RAB2B: variants seen among roughly 807,000 people sequenced by gnomAD.
RAB2B encodes the protein RAB2B, member RAS oncogene family.
RAB2B carries 20 observed loss-of-function variants against 29.8 expected under a neutral mutation model. That is an observed-to-expected ratio of 0.67 (90% CI 0.47 to 0.97). RAB2B has a LOEUF of 0.97. RAB2B is among the 50% of genes least tolerant of loss of function. The pLI, the probability that RAB2B is intolerant of heterozygous loss-of-function variation, is 0.00. For missense variants in RAB2B, 218 were observed against 272.0 expected (o/e 0.80, Z 1.40); for synonymous variants, 93 against 91.7 (o/e 1.01, Z -0.08).
chr14:21,463,435 T>C (rs1436686859), intron 6 of RAB2B, among the ~76,000 whole-genome samples: 1 of 152,006 alleles, frequency 6.6e-6, no homozygotes, highest in African/African-American at 2.4e-5. Context: ...TTAGTAGAGA[T>C]GGGGTTTCAC....
Position 21,476,890 on chromosome 14 carries a change from G to A in RAB2B, c.-18C>T. On this transcript the variant is annotated 5_prime_UTR_variant, in exon 1 of 8. Transcript: ENST00000397762. ...TAAGTCATGGTGTCGCGTCCTCTGG[G>A]TTCCGGGTCCGCCCGACTTCTATAG... 1.9e-6 allele frequency: 3 copies of A among 1,613,142 alleles called. No homozygotes were observed. The highest frequency in any genetic ancestry group is 2.2e-5 in the East Asian group (1 of 44,872).
chr14:21,461,117 A>G lies in RAB2B; in HGVS notation c.*79T>C. The G allele has an allele frequency of 9.8e-7, 1 of 1,025,008 alleles. No individual in the cohort carries two copies. The highest frequency in any genetic ancestry group is 2.5e-5 in the East Asian group (1 of 39,908). 63.5% of individuals were successfully genotyped at this position (1,025,008 alleles called of 1,614,324 possible). On this transcript the variant is annotated 3_prime_UTR_variant, in exon 8 of 8. Transcript: ENST00000397762. Reference sequence around the variant, plus strand: ...TTTAAAAAGAGGCTGCTCTCAGCCAAAGCAAGAAAGACCTCTTTCATTAAG... The same window carrying G: ...TTTAAAAAGAGGCTGCTCTCAGCCAGAGCAAGAAAGACCTCTTTCATTAAG...
At chr14:21,475,483 T>G (rs1449951983) in intron 2 of RAB2B, among the ~76,000 whole-genome samples, 1 of 145,544 alleles carries the variant, frequency 6.9e-6, no homozygotes, top group Non-Finnish European at 1.5e-5. Flanking sequence ...CAGGCTGGAG[T>G]GCAGTGGTGC....
rs1890540774 is a variant in RAB2B at position 21,460,996 on chromosome 14, TA to T, written c.*199del. Reference sequence around the variant, plus strand: ...TTGTATAGGAGGATAAGAAGAACCCTAATCTATAGGGAATGCTCATGTCCCT... The same window carrying T: ...TTGTATAGGAGGATAAGAAGAACCCTATCTATAGGGAATGCTCATGTCCCT... On this transcript the variant is annotated 3_prime_UTR_variant, in exon 8 of 8. Coordinates refer to ENST00000397762, the MANE Select transcript of RAB2B (RefSeq NM_032846.4). 1 of 428,272 alleles carries T rather than the reference TA, an allele frequency of 2.3e-6. No homozygotes were observed. The highest frequency in any genetic ancestry group is 2.1e-5 in the African/African-American group (1 of 48,754). 26.5% of individuals were successfully genotyped at this position (428,272 alleles called of 1,614,324 possible).
rs200072961 is a variant in RAB2B, at chr14:21,463,795, T to C, written c.363-28A>G. The C allele has an allele frequency of 4.9e-6, 7 of 1,437,920 alleles. No individual in the cohort carries two copies. In the African/African-American group the frequency reaches 1.0e-4, roughly 21 times the overall value. 89.1% of individuals were successfully genotyped at this position (1,437,920 alleles called of 1,614,324 possible). ...GCAAGAGATTAATTAAGGAGAAAAT[T>C]TAAAAAAAAGATCCAAGTGAAAGAG... On this transcript the variant is annotated intron_variant, in intron 5 of 7. Transcript: ENST00000397762.
intron 5 of RAB2B, among the ~76,000 whole-genome samples, chr14:21,465,266 T>C (rs1461988398): frequency 6.6e-6 from 1 of 152,234 alleles, no homozygotes; most frequent in African/African-American, 2.4e-5. Flanking sequence ...AGCACCAGAT[T>C]TGTACATTTG....
At chr14:21,464,637 A>G (rs573905934) in intron 5 of RAB2B, among the ~76,000 whole-genome samples, 1 of 152,162 alleles carries the variant, frequency 6.6e-6, no homozygotes, top group Non-Finnish European at 1.5e-5. Context: ...AAATTAGGTG[A>G]AAAAAAAGAT....
intron 3 of RAB2B, among the ~76,000 whole-genome samples, chr14:21,469,319 T>G (rs576386713): frequency 6.8e-4 from 104 of 152,340 alleles, no homozygotes; most frequent in African/African-American, 2.5e-3. Flanking sequence ...TTCAACTGAT[T>G]ATCTTCTAAC....
intron 3 of RAB2B, among the ~76,000 whole-genome samples, chr14:21,473,632 G>C (rs556726935): frequency 4.2e-4 from 64 of 152,342 alleles, no homozygotes; most frequent in Non-Finnish European, 6.5e-4. Flanking sequence ...TGTAATCCCA[G>C]CATTTTGAGA....
At chr14:21,469,944 C>T (rs1345951826) in intron 3 of RAB2B, among the ~76,000 whole-genome samples, 1 of 149,154 alleles carries the variant, frequency 6.7e-6, no homozygotes, top group African/African-American at 2.5e-5. Flanking sequence ...TATTATTATT[C>T]CCTTTTTTTT....
At chr14:21,476,421 T>C (rs1286684179) in intron 2 of RAB2B, 107 bp downstream of exon 2, 3 of 1,247,818 alleles carry the variant, frequency 2.4e-6, no homozygotes, top group Non-Finnish European at 3.5e-6. Flanking sequence ...TTTAAAGTAG[T>C]GAGGGGTAAC....
At chr14:21,465,916 TA>T (rs78493321) in intron 5 of RAB2B, among the ~76,000 whole-genome samples, 20,469 of 152,120 alleles carry the variant, frequency 0.13, 1,608 homozygotes, top group Admixed American at 0.22. Flanking sequence ...AATACCCTTT[TA>T]AAAAAATCTT....
intron 5 of RAB2B, among the ~76,000 whole-genome samples, chr14:21,465,853 G>A (rs544559757): frequency 2.6e-5 from 4 of 151,992 alleles, no homozygotes; most frequent in East Asian, 1.9e-4. Flanking sequence ...TTCAATAAAC[G>A]TGTCAAGCTT....
At chr14:21,475,870 G>A (rs1163058029) in intron 2 of RAB2B, among the ~76,000 whole-genome samples, 1 of 152,198 alleles carries the variant, frequency 6.6e-6, no homozygotes, top group Non-Finnish European at 1.5e-5. Flanking sequence ...GGATGTAGGG[G>A]TTTATTTAGA....
Position 21,468,794 on chromosome 14 carries a change from G to C in RAB2B, c.187-42C>G, listed in dbSNP as rs1195521884. 3 of 1,389,116 alleles carry C rather than the reference G, an allele frequency of 2.2e-6. No individual in the cohort carries two copies. In the East Asian group the frequency reaches 7.0e-5, roughly 32 times the overall value. 86.0% of individuals were successfully genotyped at this position (1,389,116 alleles called of 1,614,324 possible). A position where few individuals can be genotyped will look rare whatever the true frequency, so the allele number is the denominator to read the frequency against. On this transcript the variant is annotated intron_variant, in intron 3 of 7. Transcript: ENST00000397762. ...GCAACAAAAAATCCCAACAAAACCAGGTTATTTCCACAGAACCGACTTGAT... is the reference window on the plus strand; with the variant it reads ...GCAACAAAAAATCCCAACAAAACCACGTTATTTCCACAGAACCGACTTGAT...
chr14:21,470,782 T>C (rs972433094), intron 3 of RAB2B, among the ~76,000 whole-genome samples: 3 of 152,172 alleles, frequency 2.0e-5, no homozygotes, highest in African/African-American at 7.2e-5. Flanking sequence ...GCCCACATGA[T>C]GGTTCAATCA....
At chr14:21,462,754 G>A (rs373801044) in intron 6 of RAB2B, among the ~76,000 whole-genome samples, 3 of 148,410 alleles carry the variant, frequency 2.0e-5, no homozygotes, top group Non-Finnish European at 3.0e-5. Flanking sequence ...CACGAAAATC[G>A]CTTAAACCCA....
intron 3 of RAB2B, among the ~76,000 whole-genome samples, chr14:21,471,986 T>C (rs1216801675): frequency 6.6e-6 from 1 of 152,066 alleles, no homozygotes; most frequent in Non-Finnish European, 1.5e-5. Flanking sequence ...TAGATGAAGG[T>C]TTGATAAGAT....
chr14:21,464,677 A>C lies in RAB2B; in HGVS notation c.363-910T>G, dbSNP rs536800000. Among the ~76,000 whole-genome samples, 8 of 152,250 alleles carry C rather than the reference A, an allele frequency of 5.3e-5. No individual in the cohort carries two copies. In the South Asian group the frequency reaches 1.7e-3, roughly 32 times the overall value. On this transcript the variant is annotated intron_variant, in intron 5 of 7. Coordinates refer to ENST00000397762, the MANE Select transcript of RAB2B (RefSeq NM_032846.4). Reference sequence around the variant, plus strand: ...GCTAAGGACTGAAAAAGGGAATAAAAATGGCAACAAAAGACCTTATGAAAA... The same window carrying C: ...GCTAAGGACTGAAAAAGGGAATAAACATGGCAACAAAAGACCTTATGAAAA...
Sources: allele counts gnomAD v4.1 joint callset (sites outside exome capture counted in the v4.1 genomes callset), GRCh38; gene constraint gnomAD v4.1.1; transcripts MANE v1.5; gene names NCBI Gene and HGNC (gene_info 2026-07-23, HGNC 2026-07-21).